DRC11: variants seen among roughly 807,000 people sequenced by gnomAD.
DRC11 encodes IQ and AAA domain-containing protein 1.
the DRC11 span, among the ~76,000 whole-genome samples, chr2:236,362,605 G>C: frequency 6.6e-6 from 1 of 152,184 alleles, no homozygotes; most frequent in Admixed American, 6.5e-5. This position sits in a 1 kb window ranked among gnomAD's most constrained non-coding sequence, Gnocchi z 5.7. Context: ...GTAGGCTATT[G>C]GTAATTAGAC....
the DRC11 span, among the ~76,000 whole-genome samples, chr2:236,402,026 T>A: frequency 6.6e-6 from 1 of 152,172 alleles, no homozygotes; most frequent in East Asian, 1.9e-4. This position sits in a 1 kb window ranked among gnomAD's most constrained non-coding sequence, Gnocchi z 6.0. Context: ...ACCATCGGAA[T>A]AAAAGAGGCT....
the DRC11 span, among the ~76,000 whole-genome samples, chr2:236,474,332 AC>A: frequency 6.6e-6 from 1 of 152,200 alleles, no homozygotes; most frequent in East Asian, 1.9e-4. Context: ...TGAGCTGAGT[AC>A]ATGTAAACTA....
the DRC11 span, among the ~76,000 whole-genome samples, chr2:236,413,843 G>A: frequency 6.6e-6 from 1 of 152,204 alleles, no homozygotes; most frequent in South Asian, 2.1e-4. This position sits in a 1 kb window ranked among gnomAD's most constrained non-coding sequence, Gnocchi z 4.0. Context: ...GGAAACAGTT[G>A]TAAGGATGAT....
chr2:236,443,906 C>T, the DRC11 span, among the ~76,000 whole-genome samples: 3 of 151,898 alleles, frequency 2.0e-5, no homozygotes, highest in South Asian at 2.1e-4. The surrounding 1 kb of genome is among the most constrained non-coding windows in gnomAD (Gnocchi z 4.4). Context: ...GATGGTATCT[C>T]GTGATTTTGA....
At chr2:236,344,384 C>T in the DRC11 span, among the ~76,000 whole-genome samples, 1 of 152,194 alleles carries the variant, frequency 6.6e-6, no homozygotes, top group Non-Finnish European at 1.5e-5. Context: ...TAAAGTCAGA[C>T]CACAGAACCC....
the DRC11 span, among the ~76,000 whole-genome samples, chr2:236,439,899 T>C: frequency 6.6e-6 from 1 of 152,204 alleles, no homozygotes; most frequent in Non-Finnish European, 1.5e-5. Context: ...AAACTAGTAT[T>C]ATCATTATTA....
chr2:236,357,482 ATATAT>A, the DRC11 span, among the ~76,000 whole-genome samples: 2 of 127,400 alleles, frequency 1.6e-5, no homozygotes, highest in Non-Finnish European at 3.1e-5. Context: ...ATGTATATTT[ATATAT>A]TATAAATACA....
At chr2:236,331,513 C>T in the DRC11 span, 10 of 1,614,000 alleles carry the variant, frequency 6.2e-6, no homozygotes, top group Non-Finnish European at 8.5e-6. The surrounding 1 kb of genome is among the most constrained non-coding windows in gnomAD (Gnocchi z 4.8). Flanking sequence ...TTGGGTGAAG[C>T]CGTCAGTGAC....
chr2:236,308,975 A>T, the DRC11 span, among the ~76,000 whole-genome samples: 1 of 152,210 alleles, frequency 6.6e-6, no homozygotes, highest in South Asian at 2.1e-4. This position sits in a 1 kb window ranked among gnomAD's most constrained non-coding sequence, Gnocchi z 6.0. Flanking sequence ...AGCTGTTGGG[A>T]GCTCTGGGGT....
At chr2:236,376,506 G>A in the DRC11 span, among the ~76,000 whole-genome samples, 2 of 152,136 alleles carry the variant, frequency 1.3e-5, no homozygotes, top group African/African-American at 4.8e-5. The surrounding 1 kb of genome is among the most constrained non-coding windows in gnomAD (Gnocchi z 5.7). Context: ...GTCATTCATT[G>A]GGGGTAATTT....
chr2:236,507,378 G>A, the DRC11 span: 4 of 1,120,192 alleles, frequency 3.6e-6, no homozygotes, highest in Non-Finnish European at 5.4e-6. Context: ...GAGGATTTGG[G>A]TGGGGGGTCT....
chr2:236,478,685 T>C, the DRC11 span, among the ~76,000 whole-genome samples: 1 of 152,172 alleles, frequency 6.6e-6, no homozygotes, highest in Non-Finnish European at 1.5e-5. This position sits in a 1 kb window ranked among gnomAD's most constrained non-coding sequence, Gnocchi z 5.9. Context: ...TTTAGGTTGA[T>C]TTAATGTCTG....
At chr2:236,487,243 T>C in the DRC11 span, among the ~76,000 whole-genome samples, 5 of 152,288 alleles carry the variant, frequency 3.3e-5, no homozygotes, top group East Asian at 5.8e-4. Flanking sequence ...TGGGGAAATA[T>C]AGTAACCTCC....
At chr2:236,459,864 T>C in the DRC11 span, among the ~76,000 whole-genome samples, 8 of 152,066 alleles carry the variant, frequency 5.3e-5, no homozygotes, top group African/African-American at 1.4e-4. Flanking sequence ...AAAAACTTCA[T>C]ATACAATAAC....
chr2:236,493,905 T>C, the DRC11 span: 3 of 1,571,858 alleles, frequency 1.9e-6, no homozygotes, highest in South Asian at 1.2e-5. Flanking sequence ...AGAGAAAGAA[T>C]AAAAAAGAGT....
the DRC11 span, among the ~76,000 whole-genome samples, chr2:236,370,368 C>T: frequency 3.6e-3 from 543 of 152,294 alleles, 25 homozygotes; most frequent in Admixed American, 0.032. This position sits in a 1 kb window ranked among gnomAD's most constrained non-coding sequence, Gnocchi z 5.5. Context: ...GAAACTGAGG[C>T]ACAGAAAGAG....
the DRC11 span, among the ~76,000 whole-genome samples, chr2:236,327,680 G>GGTAT: frequency 1.3e-5 from 2 of 151,932 alleles, no homozygotes; most frequent in East Asian, 3.9e-4. Context: ...TATTCACTGA[G>GGTAT]TTATTTATTT....
At chr2:236,364,051 AAGGTCAAAACTGCAT>A in the DRC11 span, 1 of 1,371,442 alleles carries the variant, frequency 7.3e-7, no homozygotes. Flanking sequence ...AGGATAACTC[AAGGTCAAAACTGCAT>A]CGTGTGACTC....
the DRC11 span, among the ~76,000 whole-genome samples, chr2:236,402,715 G>A: frequency 6.6e-6 from 1 of 152,140 alleles, no homozygotes; most frequent in Non-Finnish European, 1.5e-5. The surrounding 1 kb of genome is among the most constrained non-coding windows in gnomAD (Gnocchi z 6.0). Flanking sequence ...AAAGCTCTCT[G>A]GTAAGAAAGT....
Sources: allele counts gnomAD v4.1 joint callset (sites outside exome capture counted in the v4.1 genomes callset), GRCh38; gene constraint gnomAD v4.1.1; non-coding constraint Gnocchi (gnomAD v3.1); transcripts MANE v1.5; gene names NCBI Gene and HGNC (gene_info 2026-07-23, HGNC 2026-07-21).